Variants in XKR3 observed in about 807,000 individuals in gnomAD.
XKR3 encodes the protein XK-related protein 3.
Under a neutral mutation model 40.3 loss-of-function variants are expected in XKR3, and 27 were observed. The ratio of observed to expected loss-of-function variants is 0.67; its 90% CI spans 0.49 to 0.92. The LOEUF (loss-of-function observed/expected upper bound fraction) is 0.92. XKR3 is among the 40% of genes least tolerant of loss of function. The pLI is 0.00. For missense variants in XKR3, 472 were observed against 537.6 expected, an observed-to-expected ratio of 0.88 and a Z score of 1.21; for synonymous variants, 193 against 195.4, an observed-to-expected ratio of 0.99 and a Z score of 0.10.
At chr22:16,793,275 G>C (rs2060128011) in intron 3 of XKR3, among the ~76,000 whole-genome samples, 1 of 152,190 alleles carries the variant, frequency 6.6e-6, no homozygotes, top group Admixed American at 6.5e-5. Context: ...GCCTCCCAAA[G>C]GGCTGGGATT....
rs111643395 is a variant in XKR3, at chr22:16,810,841, A to G, written c.-10-2758T>C. ...ATTCTTTTTCTTGGTCAGGGCCCCA[A>G]TACATACTACAACCTCAGAGGTTCT... is the stretch of plus-strand genomic sequence containing the variant. On this transcript the variant is annotated intron_variant, in intron 1 of 3. Transcript: ENST00000684488. Among the ~76,000 whole-genome samples the G allele has an allele frequency of 5.7e-3, 863 of 152,292 alleles. 11 individuals are homozygous for G. Among genetic ancestry groups the G allele is most frequent in the African/African-American group, 0.02 (829 of 41,544 alleles).
intron 1 of XKR3, among the ~76,000 whole-genome samples, chr22:16,815,715 A>G (rs1366242844): frequency 2.6e-5 from 4 of 152,038 alleles, no homozygotes; most frequent in Non-Finnish European, 5.9e-5. Context: ...AAGTATTCCT[A>G]TTAACAACTA....
At chr22:16,805,486 T>C (rs9606475) in intron 2 of XKR3, among the ~76,000 whole-genome samples, 3,827 of 152,262 alleles carry the variant, frequency 0.025, 68 homozygotes, top group South Asian at 0.074. Context: ...ATTATTAAGA[T>C]GACAATACTC....
intron 3 of XKR3, among the ~76,000 whole-genome samples, chr22:16,787,584 G>A (rs1188549945): frequency 6.7e-6 from 1 of 149,274 alleles, no homozygotes; most frequent in Non-Finnish European, 1.5e-5. Context: ...AAAAATAAGC[G>A]TATTGTAGGA....
At chr22:16,795,050 G>A (rs2060134848) in intron 3 of XKR3, among the ~76,000 whole-genome samples, 1 of 152,096 alleles carries the variant, frequency 6.6e-6, no homozygotes, top group Non-Finnish European at 1.5e-5. Flanking sequence ...TGACCAAATG[G>A]AACTAACACA....
rs978088112 is a variant in XKR3, at chr22:16,784,547, G to T, written c.590-138C>A. 1.5e-5 allele frequency: 13 copies of T among 882,630 alleles called. No individual in the cohort carries two copies. The South Asian group carries it at 2.3e-4, about 15-fold the overall frequency. The allele number at this position is 882,630 out of a possible 1,614,324, so 54.7% of individuals were successfully genotyped here. A position where few individuals can be genotyped will look rare whatever the true frequency, so the allele number is the denominator to read the frequency against. On this transcript the variant is annotated intron_variant, in intron 3 of 3. Coordinates refer to ENST00000684488, the MANE Select transcript of XKR3 (RefSeq NM_001386955.1). Reference sequence around the variant, plus strand: ...AAATCATTTACTTATAAAAAGAAAGGTTTGTTAATCTTCCATTTTCAGGGA... The same window carrying T: ...AAATCATTTACTTATAAAAAGAAAGTTTTGTTAATCTTCCATTTTCAGGGA...
In XKR3 at chr22:16,783,837, A is replaced by G. The variant is rs2146134815; in HGVS notation, c.1162T>C (p.Leu388=). 1 of 1,614,196 alleles carries G rather than the reference A, an allele frequency of 6.2e-7. No individual in the cohort carries two copies. ...AAGAGGAGCATAAAGCCAGTGGCCA[A>G]TAGGTAGCTTATGATGAGCTGCACG... The part of the protein sequence containing the change: ...IAVQLIISYL[L]ATGFMLLFYQ... The change falls in exon 4 of 4, where the codon TTG becomes CTG. Residue 388 remains leucine (L), a synonymous_variant. Coordinates refer to ENST00000684488, the MANE Select transcript of XKR3 (RefSeq NM_001386955.1).
At chr22:16,800,514 A>G (rs1601844548) in intron 2 of XKR3, among the ~76,000 whole-genome samples, 1 of 152,326 alleles carries the variant, frequency 6.6e-6, no homozygotes, top group East Asian at 1.9e-4. Flanking sequence ...TTTTCATTGG[A>G]ACATATTTTG....
At chr22:16,793,746 A>G (rs2060130099) in intron 3 of XKR3, among the ~76,000 whole-genome samples, 1 of 152,224 alleles carries the variant, frequency 6.6e-6, no homozygotes, top group African/African-American at 2.4e-5. Flanking sequence ...GTCTCTTTCA[A>G]CATTTACTGC....
At chr22:16,790,327 G>A (rs1601839887) in intron 3 of XKR3, among the ~76,000 whole-genome samples, 3 of 98,568 alleles carry the variant, frequency 3.0e-5, no homozygotes, top group South Asian at 3.9e-4. Flanking sequence ...CATCCTACTA[G>A]AAAGCTTCCA....
intron 1 of XKR3, among the ~76,000 whole-genome samples, chr22:16,810,747 A>G (rs1238051073): frequency 2.0e-5 from 3 of 152,186 alleles, no homozygotes; most frequent in Non-Finnish European, 4.4e-5. Flanking sequence ...AGCTAAAACC[A>G]TGGTCCTTAT....
chr22:16,799,840 C>T lies in XKR3; in HGVS notation c.520G>A (p.Gly174Ser), dbSNP rs1158235376. The change falls in exon 3 of 4, where the codon GGT becomes AGT. Residue 174 changes from glycine (G) to serine (S), a missense_variant. Coordinates refer to ENST00000684488, the MANE Select transcript of XKR3 (RefSeq NM_001386955.1). ...TGCAAAATTAATTGTGGAACAGAACCGAGAAAAGCCTGAATCACTGACATG... is the reference window on the plus strand; with the variant it reads ...TGCAAAATTAATTGTGGAACAGAACTGAGAAAAGCCTGAATCACTGACATG... ...KYMSVIQAFL[G>S]SVPQLILQMY... The T allele has an allele frequency of 5.6e-6, 9 of 1,613,942 alleles. No individual in the cohort carries two copies. The highest frequency in any genetic ancestry group is 1.1e-5 in the South Asian group (1 of 91,078).
At chr22:16,821,537 A>G (rs1406241098) in intron 1 of XKR3, 1 of 151,670 alleles carries the variant, frequency 6.6e-6, no homozygotes, top group Admixed American at 6.6e-5. Context: ...TTTTTTTTTC[A>G]TTTGTTGAAC....
chr22:16,814,362 T>C lies in XKR3; in HGVS notation c.-10-6279A>G, dbSNP rs1212810869. Among the ~76,000 whole-genome samples the C allele has an allele frequency of 1.3e-5, 2 of 152,170 alleles. 1 individual carries two copies. The highest frequency in any genetic ancestry group is 1.3e-4 in the Admixed American group (2 of 15,280). ...GGAAGGCTTCTTTCTGAACTCTCAATTCTATTTCATTGGTGTATTGTGTCA... is the reference window on the plus strand; with the variant it reads ...GGAAGGCTTCTTTCTGAACTCTCAACTCTATTTCATTGGTGTATTGTGTCA... On this transcript the variant is annotated intron_variant, in intron 1 of 3. Transcript: ENST00000684488.
chr22:16,786,358 C>T lies in XKR3; in HGVS notation c.590-1949G>A, dbSNP rs1403369037. Among the ~76,000 whole-genome samples, 8 of 152,128 alleles carry T rather than the reference C, an allele frequency of 5.3e-5. No homozygotes were observed. The South Asian group carries it at 1.2e-3, about 24-fold the overall frequency. The stretch of plus-strand genomic sequence containing the variant: ...GCTGCAGTGGGAGGATTGCTTGAGC[C>T]CAGGAAGAAAACATAGGACTTTCAC... On this transcript the variant is annotated intron_variant, in intron 3 of 3. Coordinates refer to ENST00000684488, the MANE Select transcript of XKR3 (RefSeq NM_001386955.1).
intron 3 of XKR3, among the ~76,000 whole-genome samples, chr22:16,797,594 C>G (rs968749221): frequency 6.6e-6 from 1 of 151,014 alleles, no homozygotes; most frequent in African/African-American, 2.4e-5. Context: ...AGATCAAGAC[C>G]ATCCTGGCTA....
chr22:16,814,331 C>T (rs2060224668), intron 1 of XKR3, among the ~76,000 whole-genome samples: 1 of 152,112 alleles, frequency 6.6e-6, no homozygotes, highest in Non-Finnish European at 1.5e-5. Flanking sequence ...CAATTGCACA[C>T]AGGTGGGAAG....
intron 1 of XKR3, among the ~76,000 whole-genome samples, chr22:16,824,681 C>T (rs1270832238): frequency 6.6e-6 from 1 of 152,098 alleles, no homozygotes; most frequent in African/African-American, 2.4e-5. Context: ...CCACTCTCTC[C>T]CCAGCAATCC....
chr22:16,812,138 T>C (rs2060215636), intron 1 of XKR3, among the ~76,000 whole-genome samples: 1 of 152,226 alleles, frequency 6.6e-6, no homozygotes, highest in Admixed American at 6.5e-5. Context: ...CCTCCAGTTT[T>C]TCCTACATAG....
Sources: allele counts gnomAD v4.1 joint callset (sites outside exome capture counted in the v4.1 genomes callset), GRCh38; gene constraint gnomAD v4.1.1; transcripts MANE v1.5; gene names NCBI Gene and HGNC (gene_info 2026-07-23, HGNC 2026-07-21).